The following ARID1B variants were observed in gnomAD, a reference collection of about 807,000 sequenced individuals.
ARID1B encodes AT-rich interaction domain 1B.
ARID1B carries 30 observed loss-of-function variants against 212.3 expected under a neutral mutation model. The observed-to-expected ratio is 0.14, with a 90% CI of 0.11 to 0.19. The LOEUF is 0.19. Among genes scored for constraint, ARID1B ranks in the 10% least tolerant of loss-of-function variants. The pLI is 1.00. For synonymous variants in ARID1B, 1,402 were observed against 1,301.7 expected (o/e 1.08, Z -1.66); for missense variants, 2,891 against 3,204.0 (o/e 0.90, Z 2.36).
intron 4 of ARID1B, chr6:157,036,432 T>G: frequency 4.9e-6 from 1 of 202,766 alleles, no homozygotes; most frequent in Non-Finnish European, 1.0e-5. Context: ...GTAGCACACA[T>G]GCATAGTGAG....
At chr6:156,857,320 C>A (rs867850837) in intron 2 of ARID1B, among the ~76,000 whole-genome samples, 1 of 152,228 alleles carries the variant, frequency 6.6e-6, no homozygotes, top group East Asian at 1.9e-4. Context: ...GTGTCAGTGC[C>A]CTGGTCCCCT....
chr6:156,975,613 C>CTTTTTTTTTTTTTTTTTT (rs367797338), intron 4 of ARID1B, among the ~76,000 whole-genome samples: 38 of 110,844 alleles, frequency 3.4e-4, no homozygotes, highest in African/African-American at 6.2e-4. Context: ...TTTTTTTTTT[C>CTTTTTTTTTTTTTTTTTT]TTTTTTTTTT....
intron 4 of ARID1B, among the ~76,000 whole-genome samples, chr6:156,948,140 G>GT (rs1793300044): frequency 6.6e-6 from 1 of 152,228 alleles, no homozygotes. Context: ...TTTGATTAAA[G>GT]TTAGGGGTAT....
intron 1 of ARID1B, among the ~76,000 whole-genome samples, chr6:156,815,692 T>C (rs1018275525): frequency 9.2e-5 from 14 of 152,234 alleles, no homozygotes; most frequent in African/African-American, 2.7e-4. Context: ...CAGGTGGGAC[T>C]TGATTAATAA....
intron 2 of ARID1B, among the ~76,000 whole-genome samples, chr6:156,849,151 C>T (rs1432066199): frequency 6.6e-6 from 1 of 152,144 alleles, no homozygotes; most frequent in Non-Finnish European, 1.5e-5. Flanking sequence ...CCAGCATTTC[C>T]TTGAGATTAT....
At chr6:156,915,453 A>C (rs1459831280) in intron 3 of ARID1B, among the ~76,000 whole-genome samples, 1 of 151,942 alleles carries the variant, frequency 6.6e-6, no homozygotes, top group East Asian at 1.9e-4. Flanking sequence ...CTGTAGTCTC[A>C]GCTACTCAGG....
chr6:156,801,731 T>A (rs1185053740), intron 1 of ARID1B, among the ~76,000 whole-genome samples: 1 of 152,128 alleles, frequency 6.6e-6, no homozygotes, highest in East Asian at 1.9e-4. Flanking sequence ...GAACCAAACA[T>A]GTGGAAGGCT....
intron 4 of ARID1B, among the ~76,000 whole-genome samples, chr6:156,959,961 C>T (rs999082963): frequency 2.8e-5 from 4 of 143,786 alleles, no homozygotes; most frequent in East Asian, 4.3e-4. Context: ...GACAGAGTCT[C>T]ACTCTGTCGC....
rs910782464 is a variant in ARID1B, at chr6:157,208,020, A to G, written c.*129A>G. On this transcript the variant is annotated 3_prime_UTR_variant, in exon 20 of 20. Transcript: ENST00000636930. Reference sequence around the variant, plus strand: ...TCTTTGCTCCTCTGCCCCATTCACTATTTACCAATTGGGAATTAAAGAAAT... The same window carrying G: ...TCTTTGCTCCTCTGCCCCATTCACTGTTTACCAATTGGGAATTAAAGAAAT... 3.1e-6 allele frequency: 3 copies of G among 964,190 alleles called. No individual in the cohort carries two copies. In the African/African-American group the frequency reaches 5.0e-5, roughly 16 times the overall value. 59.7% of individuals were successfully genotyped at this position (964,190 alleles called of 1,614,324 possible).
intron 2 of ARID1B, among the ~76,000 whole-genome samples, chr6:156,856,351 C>T (rs998578455): frequency 8.5e-5 from 13 of 152,146 alleles, no homozygotes; most frequent in Admixed American, 5.9e-4. Context: ...ACACTTAAAA[C>T]CTCCCACTGT....
At chr6:157,076,316 G>GT (rs10640061) in intron 4 of ARID1B, among the ~76,000 whole-genome samples, 4,651 of 148,714 alleles carry the variant, frequency 0.031, 251 homozygotes, top group African/African-American at 0.11. Context: ...TGTTTGTTTT[G>GT]TTTTTTTTTC....
intron 4 of ARID1B, among the ~76,000 whole-genome samples, chr6:157,062,698 A>G (rs532094325): frequency 1.6e-4 from 20 of 123,596 alleles, no homozygotes; most frequent in Non-Finnish European, 2.5e-4. Flanking sequence ...TAAAATATAT[A>G]TATATATATT....
intron 4 of ARID1B, among the ~76,000 whole-genome samples, chr6:157,052,066 A>G (rs1165494691): frequency 1.3e-5 from 2 of 152,338 alleles, no homozygotes; most frequent in Admixed American, 6.5e-5. Context: ...GGCCTTCTAT[A>G]TATTGTGGGC....
At chr6:157,101,981 C>T (rs1329448497) in intron 5 of ARID1B, among the ~76,000 whole-genome samples, 1 of 152,140 alleles carries the variant, frequency 6.6e-6, no homozygotes, top group South Asian at 2.1e-4. Context: ...GCCACTACAA[C>T]TTTTGAAACA....
At chr6:157,145,880 G>C (rs920736472) in intron 7 of ARID1B, among the ~76,000 whole-genome samples, 1 of 152,110 alleles carries the variant, frequency 6.6e-6, no homozygotes, top group Non-Finnish European at 1.5e-5. Flanking sequence ...GGCTTGATCT[G>C]GGGATTAAGT....
intron 4 of ARID1B, among the ~76,000 whole-genome samples, chr6:156,951,697 C>G (rs1415481606): frequency 1.3e-5 from 2 of 152,142 alleles, no homozygotes; most frequent in Non-Finnish European, 2.9e-5. Flanking sequence ...CCCGCCTCAG[C>G]CTTCCAAAGT....
chr6:157,020,347 A>G (rs1209721047), intron 4 of ARID1B, among the ~76,000 whole-genome samples: 2 of 152,212 alleles, frequency 1.3e-5, no homozygotes, highest in Non-Finnish European at 2.9e-5. Context: ...TAAGGGATGT[A>G]ATTTAAACAT....
chr6:156,778,729 A>ACTCCGC lies in ARID1B; in HGVS notation c.1057_1062dup (p.Ser353_Ala354dup), dbSNP rs1562376911. 2 of 1,520,218 alleles carry ACTCCGC rather than the reference A, an allele frequency of 1.3e-6. No individual in the cohort carries two copies. Among genetic ancestry groups the ACTCCGC allele is most frequent in the Admixed American group, 2.1e-5 (1 of 48,594 alleles). 94.2% of individuals were successfully genotyped at this position (1,520,218 alleles called of 1,614,324 possible). A position where few individuals can be genotyped will look rare whatever the true frequency, so the allele number is the denominator to read the frequency against. On this transcript the variant is annotated inframe_insertion, in exon 1 of 20. Coordinates refer to ENST00000636930, the MANE Select transcript of ARID1B (RefSeq NM_001374828.1). ...CAAAGCCCCGGGATGGGGATGATGC[A>ACTCCGC]CTCCGCCTCCGCCGCCGCCGCCGGG...
chr6:157,171,226 C>T (rs1423203006), intron 9 of ARID1B, among the ~76,000 whole-genome samples: 1 of 152,224 alleles, frequency 6.6e-6, no homozygotes, highest in Non-Finnish European at 1.5e-5. Context: ...TCTTAAATTT[C>T]AATGGTAAAG....
Sources: allele counts gnomAD v4.1 joint callset (sites outside exome capture counted in the v4.1 genomes callset), GRCh38; gene constraint gnomAD v4.1.1; transcripts MANE v1.5; gene names NCBI Gene and HGNC (gene_info 2026-07-23, HGNC 2026-07-21).